Variants in POGLUT2 observed in about 807,000 individuals in gnomAD.
POGLUT2 encodes protein O-glucosyltransferase 2.
In POGLUT2, 47 loss-of-function variants were observed where a neutral mutation model predicts 57.6. The observed-to-expected ratio is 0.82, with a 90% CI of 0.65 to 1.04. The LOEUF (loss-of-function observed/expected upper bound fraction) is 1.04, where lower values mean the gene tolerates loss of function less well. Ranked by LOEUF, POGLUT2 falls within the 50% of genes least tolerant of loss-of-function variation. The probability of loss-of-function intolerance (pLI) is 0.00; values close to 1 mark genes in which losing one functional copy is unlikely to be tolerated. For missense variants in POGLUT2, 565 were observed against 614.8 expected, an observed-to-expected ratio of 0.92 and a Z score of 0.86; for synonymous variants, 200 against 218.8, an observed-to-expected ratio of 0.91 and a Z score of 0.76.
At chr13:102,788,208 G>C (rs1294856132) in intron 7 of POGLUT2, among the ~76,000 whole-genome samples, 1 of 152,224 alleles carries the variant, frequency 6.6e-6, no homozygotes, top group Non-Finnish European at 1.5e-5. Flanking sequence ...CTTTGTAAAC[G>C]CAAGATGAAG....
chr13:102,791,185 C>A lies in POGLUT2; in HGVS notation c.846-47G>T, dbSNP rs780187560. On this transcript the variant is annotated intron_variant, in intron 5 of 9. Transcript: ENST00000376004. ...ATTTTCCTCCCAAATCATCATATCA[C>A]AAAGGTTGTTGCAAAAGAACTCACC... is the stretch of plus-strand genomic sequence containing the variant. The A allele has an allele frequency of 1.1e-5, 18 of 1,607,788 alleles. 1 individual carries two copies. In the South Asian group the frequency reaches 2.0e-4, roughly 18 times the overall value.
Position 102,798,666 on chromosome 13 carries a change from A to G in POGLUT2, c.5T>C (p.Phe2Ser). Residue 2 changes from phenylalanine to serine, a missense_variant, in exon 1 of 10, where the codon TTT becomes TCT. Transcript: ENST00000376004. ...GAAGCAATAAAGTAGCAAAGTGCCA[A>G]ACATTTACAAGACGGACTCTCGAAA... M[F>S]GTLLLYCFFL... 2 of 1,590,912 alleles carry G rather than the reference A, an allele frequency of 1.3e-6. No individual in the cohort carries two copies. The highest frequency in any genetic ancestry group is 2.7e-5 in the African/African-American group (2 of 73,792).
intron 2 of POGLUT2, among the ~76,000 whole-genome samples, chr13:102,796,165 C>T (rs947877862): frequency 6.6e-6 from 1 of 151,488 alleles, no homozygotes; most frequent in Non-Finnish European, 1.5e-5. Flanking sequence ...CATGGTGGTG[C>T]GTGCCTGTAA....
At position 102,786,337 on chromosome 13, in the gene POGLUT2, T is replaced by G. The variant is rs776647820; in HGVS notation, c.1386A>C (p.Glu462Asp). 1 of 1,603,942 alleles carries G rather than the reference T, an allele frequency of 6.2e-7. No homozygotes were observed. Among genetic ancestry groups the G allele is most frequent in the Non-Finnish European group, 8.5e-7 (1 of 1,170,708 alleles). Residue 462 changes from glutamate to aspartate, a missense_variant and splice_region_variant, in exon 9 of 10, where the codon GAA becomes GAC. Coordinates refer to ENST00000376004, the MANE Select transcript of POGLUT2 (RefSeq NM_024089.3). ...IFCYYFKLFQ[E>D]YANLQVSEPQ... is the part of the protein sequence containing the mutation. ...GCTCACTCACTTGTAAATTGGCATA[T>G]TCCTGTTTAAGCAACAATATAAAAG...
chr13:102,796,000 A>G, intron 2 of POGLUT2, among the ~76,000 whole-genome samples: 1 of 152,030 alleles, frequency 6.6e-6, no homozygotes, highest in South Asian at 2.1e-4. Flanking sequence ...CATCCTATAT[A>G]AGAAACATCA....
At chr13:102,790,254 C>T (rs990020761) in intron 6 of POGLUT2, among the ~76,000 whole-genome samples, 4 of 152,190 alleles carry the variant, frequency 2.6e-5, no homozygotes, top group African/African-American at 7.2e-5. Flanking sequence ...AGACAGAACT[C>T]GTTAATCACT....
At chr13:102,787,223 T>C (rs1053745634) in intron 8 of POGLUT2, among the ~76,000 whole-genome samples, 25 of 152,032 alleles carry the variant, frequency 1.6e-4, no homozygotes, top group Non-Finnish European at 1.3e-4. Context: ...ATTTTTGTAT[T>C]TTTAGTAGAG....
Position 102,785,451 on chromosome 13 carries a change from T to TACAC in POGLUT2, c.1491+777_1491+780dup, listed in dbSNP as rs56102018. Reference sequence around the variant, plus strand: ...CCTAAAATGTTAAGTCAGCATATGTTACACACACACACACACACACACACA... The same window carrying TACAC: ...CCTAAAATGTTAAGTCAGCATATGTTACACACACACACACACACACACACACACA... On this transcript the variant is annotated intron_variant, in intron 9 of 9. Transcript: ENST00000376004. 8.3e-3 allele frequency among the ~76,000 whole-genome samples: 1,237 copies of TACAC among 148,578 alleles called. 15 individuals carry two copies. Among genetic ancestry groups the TACAC allele is most frequent in the African/African-American group, 0.028 (1,125 of 40,058 alleles).
At chr13:102,791,881 A>T in intron 4 of POGLUT2, 1 of 761,948 alleles carries the variant, frequency 1.3e-6, no homozygotes, top group Non-Finnish European at 1.9e-6. Context: ...TCCTTCCTCT[A>T]CTGGCAAATG....
chr13:102,789,110 A>G lies in POGLUT2; in HGVS notation c.1195T>C (p.Tyr399His). Residue 399 changes from tyrosine (Y) to histidine (H), a missense_variant, in exon 7 of 10, where the codon TAC becomes CAC. Tyr to His is a moderately conservative substitution (Grantham distance 83). Coordinates refer to ENST00000376004, the MANE Select transcript of POGLUT2 (RefSeq NM_024089.3). The part of the protein sequence containing the change: ...KQDSIYYEHF[Y>H]NELQPWKHYI... ...TGTTTCCAGGGCTGCAGCTCATTGT[A>G]AAAATGTTCATAGTAGATGGAATCC... is the stretch of plus-strand genomic sequence containing the variant. The G allele has an allele frequency of 6.2e-7, 1 of 1,614,176 alleles. No individual in the cohort carries two copies. Among genetic ancestry groups the G allele is most frequent in the Non-Finnish European group, 8.5e-7 (1 of 1,180,018 alleles).
intron 9 of POGLUT2, 117 bp from the exon 10 acceptor site, chr13:102,784,629 G>A (rs1433948240): frequency 1.5e-6 from 1 of 654,948 alleles, no homozygotes; most frequent in Non-Finnish European, 2.8e-6. Flanking sequence ...TGCTGCTAGA[G>A]GCTTTTAGGG....
Position 102,793,758 on chromosome 13 carries a change from G to T in POGLUT2, c.437C>A (p.Ala146Asp). The change falls in exon 3 of 10, where the codon GCC becomes GAC. Residue 146 changes from alanine (A) to aspartate (D), a missense_variant. Transcript: ENST00000376004. The stretch of plus-strand genomic sequence containing the variant: ...AGGGCAGTTCATCTCCCGTAGCCAG[G>T]CTGCACTATCTTGCAGAGGACAGTC... The part of the protein sequence containing the change: ...NCDCPLQDSA[A>D]WLREMNCPET... 6.2e-7 allele frequency: 1 copy of T among 1,614,208 alleles called. No individual in the cohort carries two copies. Among genetic ancestry groups the T allele is most frequent in the Non-Finnish European group, 8.5e-7 (1 of 1,180,036 alleles).
In POGLUT2 at chr13:102,798,872, G is replaced by C; in HGVS notation, c.-202C>G. 1 of 497,074 alleles carries C rather than the reference G, an allele frequency of 2.0e-6. No individual in the cohort carries two copies. The highest frequency in any genetic ancestry group is 3.5e-6 in the Non-Finnish European group (1 of 286,146). The allele number at this position is 497,074 out of a possible 1,614,324, so 30.8% of individuals were successfully genotyped here. On this transcript the variant is annotated 5_prime_UTR_variant, in exon 1 of 10. Transcript: ENST00000376004. ...CAAAGCCCGTGCCCCGGCGCGCCCA[G>C]GTGAGGGTCCCCTGGCGTTCTGCTG...
At chr13:102,790,049 G>A (rs1878108300) in intron 6 of POGLUT2, among the ~76,000 whole-genome samples, 1 of 152,198 alleles carries the variant, frequency 6.6e-6, no homozygotes, top group Non-Finnish European at 1.5e-5. Flanking sequence ...AGCCAAGGCA[G>A]GATGGAGCAC....
At chr13:102,795,250 C>CAA (rs58015405) in intron 2 of POGLUT2, among the ~76,000 whole-genome samples, 201 of 41,696 alleles carry the variant, frequency 4.8e-3, no homozygotes, top group African/African-American at 7.5e-3. Context: ...GACATCGTCT[C>CAA]AAAAAAAAAA....
intron 7 of POGLUT2, among the ~76,000 whole-genome samples, chr13:102,788,615 T>C (rs868239519): frequency 6.6e-6 from 1 of 152,158 alleles, no homozygotes; most frequent in Non-Finnish European, 1.5e-5. Flanking sequence ...GCCTCCCCAG[T>C]AGCTGGGATT....
At chr13:102,797,470 A>G in intron 1 of POGLUT2, among the ~76,000 whole-genome samples, 1 of 152,144 alleles carries the variant, frequency 6.6e-6, no homozygotes, top group East Asian at 1.9e-4. Flanking sequence ...GCCCATGCCT[A>G]CTATCTCAAC....
chr13:102,786,028 G>A (rs1390958531), intron 9 of POGLUT2, among the ~76,000 whole-genome samples: 1 of 152,172 alleles, frequency 6.6e-6, no homozygotes, highest in Non-Finnish European at 1.5e-5. Flanking sequence ...GAGCTACCAT[G>A]TCTTCTCAAT....
At position 102,793,764 on chromosome 13, in the gene POGLUT2, C is replaced by G. The variant is rs756744416; in HGVS notation, c.431G>C (p.Ser144Thr). The G allele has an allele frequency of 1.4e-5, 23 of 1,614,188 alleles. No individual in the cohort carries two copies. The highest frequency in any genetic ancestry group is 1.9e-5 in the Non-Finnish European group (23 of 1,180,036). Residue 144 changes from serine (S) to threonine (T), a missense_variant, in exon 3 of 10, where the codon AGT becomes ACT. Ser to Thr is a moderately conservative substitution (Grantham distance 58). Transcript: ENST00000376004. The stretch of plus-strand genomic sequence containing the variant: ...GTTCATCTCCCGTAGCCAGGCTGCA[C>G]TATCTTGCAGAGGACAGTCACAGTT... ...HENCDCPLQDSAAWLREMNCP... is the reference protein window; with the variant it reads ...HENCDCPLQDTAAWLREMNCP...
Sources: allele counts gnomAD v4.1 joint callset (sites outside exome capture counted in the v4.1 genomes callset), GRCh38; gene constraint gnomAD v4.1.1; transcripts MANE v1.5; gene names NCBI Gene and HGNC (gene_info 2026-07-23, HGNC 2026-07-21).